ADARB2: variants seen among roughly 807,000 people sequenced by gnomAD.
The protein encoded by ADARB2 is adenosine deaminase RNA specific B2 (inactive).
ADARB2 carries 25 observed loss-of-function variants against 62.2 expected under a neutral mutation model. The ratio of observed to expected loss-of-function variants is 0.40; its 90% CI spans 0.29 to 0.56. The LOEUF is 0.56. ADARB2 is among the 20% of genes least tolerant of loss of function. The pLI is 0.43. For missense variants in ADARB2, 1,071 were observed against 1,077.4 expected, an observed-to-expected ratio of 0.99 and a Z score of 0.08; for synonymous variants, 572 against 500.8, an observed-to-expected ratio of 1.14 and a Z score of -1.90.
At chr10:1,464,830 C>T (rs1476547048) in intron 1 of ADARB2, among the ~76,000 whole-genome samples, 2 of 151,966 alleles carry the variant, frequency 1.3e-5, no homozygotes, top group African/African-American at 4.8e-5. Context: ...GCAGTCACAG[C>T]GGGCAGTGCA....
intron 1 of ADARB2, among the ~76,000 whole-genome samples, chr10:1,643,048 G>C (rs1833998542): frequency 6.6e-6 from 1 of 152,212 alleles, no homozygotes; most frequent in African/African-American, 2.4e-5. Flanking sequence ...TAATAAACAG[G>C]AGGTAGGCAC....
intron 3 of ADARB2, among the ~76,000 whole-genome samples, chr10:1,351,816 TCCC>T (rs1832144678): frequency 6.6e-6 from 1 of 151,492 alleles, no homozygotes; most frequent in Non-Finnish European, 1.5e-5. Context: ...CCCTTACAAT[TCCC>T]CCATTTTACC....
At chr10:1,415,227 G>A (rs528769114) in intron 1 of ADARB2, among the ~76,000 whole-genome samples, 1 of 151,884 alleles carries the variant, frequency 6.6e-6, no homozygotes, top group East Asian at 1.9e-4. Context: ...TGGGTGGATG[G>A]ATGGGAAGAT....
chr10:1,408,977 G>T (rs904807370), intron 1 of ADARB2, among the ~76,000 whole-genome samples: 2 of 152,200 alleles, frequency 1.3e-5, no homozygotes, highest in Non-Finnish European at 2.9e-5. Context: ...GCTCCGTGGT[G>T]GTGGCGTCAG....
chr10:1,703,948 G>A (rs1296547546), intron 1 of ADARB2, among the ~76,000 whole-genome samples: 1 of 152,234 alleles, frequency 6.6e-6, no homozygotes, highest in Non-Finnish European at 1.5e-5. Context: ...GTTCAGCCAG[G>A]GGGAAGACCT....
chr10:1,357,978 T>C (rs1405972626), intron 3 of ADARB2, among the ~76,000 whole-genome samples: 1 of 152,198 alleles, frequency 6.6e-6, no homozygotes, highest in Non-Finnish European at 1.5e-5. Context: ...TAAGTCTTTC[T>C]CTCTGGTGTA....
At chr10:1,221,928 A>G (rs920415295) in intron 6 of ADARB2, among the ~76,000 whole-genome samples, 24 of 152,202 alleles carry the variant, frequency 1.6e-4, no homozygotes, top group African/African-American at 5.8e-4. Flanking sequence ...TTGGGTATAT[A>G]CCCAGTAATG....
intron 1 of ADARB2, among the ~76,000 whole-genome samples, chr10:1,650,866 C>T (rs927693215): frequency 3.0e-4 from 46 of 152,178 alleles, no homozygotes; most frequent in African/African-American, 1.1e-3. Flanking sequence ...GGATGTAGCA[C>T]GGTCACCAAA....
At chr10:1,199,301 C>A (rs890180131) in intron 8 of ADARB2, 1 of 152,278 alleles carries the variant, frequency 6.6e-6, no homozygotes, top group Non-Finnish European at 1.5e-5. Flanking sequence ...AGACCACTCC[C>A]GGGGCTTTCT....
intron 1 of ADARB2, among the ~76,000 whole-genome samples, chr10:1,431,539 G>A (rs1588255607): frequency 6.6e-6 from 1 of 152,038 alleles, no homozygotes; most frequent in Non-Finnish European, 1.5e-5. Context: ...AATGGTGCAA[G>A]TTTCTATTTT....
intron 1 of ADARB2, among the ~76,000 whole-genome samples, chr10:1,504,584 T>C (rs904448534): frequency 6.6e-6 from 1 of 152,182 alleles, no homozygotes. Flanking sequence ...ATGGAGCTCC[T>C]GCCGTGGTGG....
intron 1 of ADARB2, among the ~76,000 whole-genome samples, chr10:1,541,566 G>A (rs139349914): frequency 1.4e-3 from 15 of 11,022 alleles, no homozygotes; most frequent in Admixed American, 3.1e-3. Flanking sequence ...GACGCAGTTC[G>A]GACCCTGGAT....
chr10:1,566,369 G>A (rs925589062), intron 1 of ADARB2, among the ~76,000 whole-genome samples: 15 of 152,116 alleles, frequency 9.9e-5, no homozygotes, highest in African/African-American at 3.4e-4. Flanking sequence ...TTTAAAGAAC[G>A]GTACTAAGAA....
At chr10:1,658,082 CTCTG>C (rs1178373647) in intron 1 of ADARB2, among the ~76,000 whole-genome samples, 8 of 151,700 alleles carry the variant, frequency 5.3e-5, no homozygotes, top group African/African-American at 1.5e-4. Flanking sequence ...CTCTGTGTCT[CTCTG>C]TCTGATTCTC....
chr10:1,708,887 T>A (rs1834921184), intron 1 of ADARB2, among the ~76,000 whole-genome samples: 1 of 152,058 alleles, frequency 6.6e-6, no homozygotes, highest in Non-Finnish European at 1.5e-5. Context: ...ACCCTTGCTG[T>A]ATGTGAGCAG....
intron 1 of ADARB2, among the ~76,000 whole-genome samples, chr10:1,651,360 G>A (rs920306141): frequency 6.6e-6 from 1 of 152,252 alleles, no homozygotes; most frequent in Non-Finnish European, 1.5e-5. Context: ...CGAGCCCCAG[G>A]GGGTGTTGGG....
At chr10:1,592,524 C>G (rs1255618318) in intron 1 of ADARB2, among the ~76,000 whole-genome samples, 1 of 15,084 alleles carries the variant, frequency 6.6e-5, no homozygotes, top group African/African-American at 2.1e-4. Context: ...CCCAAGCCAC[C>G]CTCCATAGGT....
chr10:1,412,901 C>A (rs6560731), intron 1 of ADARB2, among the ~76,000 whole-genome samples: 43,426 of 152,204 alleles, frequency 0.29, 6,560 homozygotes, highest in Middle Eastern at 0.4. Context: ...GTGACTTTAA[C>A]GTAGGTTCCT....
chr10:1,301,621 T>C (rs1831574178), intron 3 of ADARB2, among the ~76,000 whole-genome samples: 1 of 152,168 alleles, frequency 6.6e-6, no homozygotes, highest in African/African-American at 2.4e-5. Flanking sequence ...GTTCATTAAT[T>C]TGGCTGATTA....
Sources: gnomAD v4.1 joint callset for allele counts (sites outside exome capture counted in the v4.1 genomes callset) on GRCh38, gnomAD v4.1.1 for gene constraint, MANE v1.5 for transcripts, NCBI Gene and HGNC (gene_info 2026-07-23, HGNC 2026-07-21) for gene names.